Variants in HJURP observed in about 807,000 individuals in gnomAD.
The protein encoded by HJURP is 14-3-3-associated AKT substrate.
HJURP carries 49 observed loss-of-function variants against 72.0 expected under a neutral mutation model. That is an observed-to-expected ratio of 0.68 (90% CI 0.54 to 0.86). The LOEUF (loss-of-function observed/expected upper bound fraction) is 0.86, where lower values mean the gene tolerates loss of function less well. Among genes scored for constraint, HJURP ranks in the 40% least tolerant of loss-of-function variants. The probability of loss-of-function intolerance (pLI) is 0.00; values close to 1 mark genes in which losing one functional copy is unlikely to be tolerated. For missense variants in HJURP, 908 were observed against 936.3 expected, an observed-to-expected ratio of 0.97 and a Z score of 0.39; for synonymous variants, 357 against 347.1, an observed-to-expected ratio of 1.03 and a Z score of -0.32.
intron 8 of HJURP, among the ~76,000 whole-genome samples, 180 bp from the exon 9 acceptor site, chr2:233,837,832 A>AC (rs1224081539): frequency 6.6e-6 from 1 of 152,032 alleles, no homozygotes; most frequent in African/African-American, 2.4e-5. Context: ...TATAATGGCA[A>AC]CCCCCCGACC....
At chr2:233,853,334 C>CTG (rs764135590) in intron 2 of HJURP, among the ~76,000 whole-genome samples, 4 of 152,218 alleles carry the variant, frequency 2.6e-5, no homozygotes, top group Non-Finnish European at 5.9e-5. Context: ...TTTACATTAA[C>CTG]TATTAAACGG....
intron 2 of HJURP, among the ~76,000 whole-genome samples, chr2:233,853,023 T>A (rs1559500209): frequency 6.6e-6 from 1 of 152,246 alleles, no homozygotes; most frequent in Non-Finnish European, 1.5e-5. Flanking sequence ...CTACATGTTA[T>A]ACAGAGACCA....
Position 233,837,052 on chromosome 2 carries a change from C to G in HJURP, c.*525G>C, listed in dbSNP as rs1047537876. On this transcript the variant is annotated 3_prime_UTR_variant, in exon 9 of 9. Transcript: ENST00000411486. ...CCTATAATCCCAGCACTTTGGGAGG[C>G]CGAGGCAGATGGATCACGAGGCCAG... is the stretch of plus-strand genomic sequence containing the variant. 1.3e-5 allele frequency: 2 copies of G among 155,084 alleles called. No individual in the cohort carries two copies. The highest frequency in any genetic ancestry group is 4.8e-5 in the African/African-American group (2 of 41,478). 9.6% of individuals were successfully genotyped at this position (155,084 alleles called of 1,614,324 possible).
chr2:233,839,063 T>C (rs909967180), intron 8 of HJURP, among the ~76,000 whole-genome samples: 2 of 152,242 alleles, frequency 1.3e-5, no homozygotes, highest in African/African-American at 2.4e-5. Flanking sequence ...AACACTTACG[T>C]ATGTCCATCC....
chr2:233,837,740 T>A, intron 8 of HJURP, 88 bp from the exon 9 acceptor site: 1 of 797,340 alleles, frequency 1.3e-6, no homozygotes, highest in Non-Finnish European at 2.1e-6. Context: ...TGTTTTCTAC[T>A]TATTCCATTG....
At position 233,852,597 on chromosome 2, in the gene HJURP, G is replaced by T; in HGVS notation, c.208C>A (p.Leu70Ile). The change falls in exon 3 of 9, where the codon CTA (leucine) becomes ATA (isoleucine). Residue 70 changes from leucine to isoleucine, a missense_variant. By Grantham distance (5) the Leu-to-Ile change is conservative. This residue lies in a region of HJURP where 299 missense variants were observed against 286.7 expected (regional missense o/e 1.04). Transcript: ENST00000411486. The stretch of plus-strand genomic sequence containing the variant: ...TCTCCTTCGTTTCTTTCCTTTATTA[G>T]TCTTCCACCCCAAATTCTCAATCCT... ...PQGLRIWGGR[L>I]IKERNEGEIQ... is the part of the protein sequence containing the mutation. 2 of 1,605,108 alleles carry T rather than the reference G, an allele frequency of 1.2e-6. No homozygotes were observed. The highest frequency in any genetic ancestry group is 2.2e-5 in the South Asian group (2 of 90,928).
Position 233,846,126 on chromosome 2 carries a change from G to A in HJURP, c.403-306C>T. The A allele has an allele frequency of 4.2e-6, 1 of 236,272 alleles. No individual in the cohort carries two copies. The highest frequency in any genetic ancestry group is 8.2e-6 in the Non-Finnish European group (1 of 121,476). 14.6% of individuals were successfully genotyped at this position (236,272 alleles called of 1,614,324 possible). On this transcript the variant is annotated intron_variant, in intron 5 of 8. Transcript: ENST00000411486. The surrounding 1 kb of genome is among the most constrained non-coding windows in gnomAD (Gnocchi z 4.3). ...AGGTGAGTTCAGGACTCAACTACTG[G>A]TAATAACTTCAAACTGGTAAGTTTA...
chr2:233,849,518 G>A (rs987947510), intron 4 of HJURP, among the ~76,000 whole-genome samples: 1 of 152,068 alleles, frequency 6.6e-6, no homozygotes, highest in East Asian at 1.9e-4. Flanking sequence ...TCACATGGAG[G>A]GGCATGTTTA....
At chr2:233,838,488 C>T (rs1705136543) in intron 8 of HJURP, among the ~76,000 whole-genome samples, 1 of 152,092 alleles carries the variant, frequency 6.6e-6, no homozygotes, top group African/African-American at 2.4e-5. Context: ...GGTCTGCAGG[C>T]GACTGGCACG....
chr2:233,843,608 C>T (rs1231659108), intron 7 of HJURP, among the ~76,000 whole-genome samples: 2 of 152,056 alleles, frequency 1.3e-5, no homozygotes, highest in African/African-American at 4.8e-5. Flanking sequence ...GAGAAAATGC[C>T]AAGGAGCCGC....
rs1352310588 is a variant in HJURP, at chr2:233,840,885, T to C, written c.1895A>G (p.His632Arg). The C allele has an allele frequency of 6.2e-7, 1 of 1,613,976 alleles. No homozygotes were observed. The highest frequency in any genetic ancestry group is 8.5e-7 in the Non-Finnish European group (1 of 1,180,018). ...GFLGKLNPDP[H>R]FQGFQKLPSS... is the part of the protein sequence containing the mutation. The stretch of plus-strand genomic sequence containing the variant: ...TGGCAACTTCTGGAAACCCTGGAAG[T>C]GAGGGTCTGGATTTAATTTTCCTAA... The change falls in exon 8 of 9, where the codon CAC becomes CGC. Residue 632 changes from histidine to arginine, a missense_variant. This residue lies in a region of HJURP where 598 missense variants were observed against 619.5 expected (regional missense o/e 0.97). Transcript: ENST00000411486.
At position 233,840,692 on chromosome 2, in the gene HJURP, A is replaced by C; in HGVS notation, c.2088T>G (p.Asn696Lys). ...SEPQGSGRQG[N>K]SLGASDGVDN... is the part of the protein sequence containing the mutation. The stretch of plus-strand genomic sequence containing the variant: ...CCACCCCATCTGAGGCACCCAGGGA[A>C]TTGCCCTGGCGTCCGGAGCCCTGGG... The change falls in exon 8 of 9, where the codon AAT (asparagine) becomes AAG (lysine). Residue 696 changes from asparagine to lysine, a missense_variant. Transcript: ENST00000411486. 6.2e-7 allele frequency: 1 copy of C among 1,613,992 alleles called. No homozygotes were observed. Among genetic ancestry groups the C allele is most frequent in the South Asian group, 1.1e-5 (1 of 91,076 alleles).
rs1705241995 is a variant in HJURP at position 233,841,883 on chromosome 2, G to A, written c.897C>T (p.His299=). Residue 299 remains histidine, a synonymous_variant, in exon 8 of 9, where the codon CAC becomes CAT. Coordinates refer to ENST00000411486, the MANE Select transcript of HJURP (RefSeq NM_018410.5). ...IMQNWNSRRR[H]RYKSRMNKTY... ...TTTTGTTCATCCTGCTCTTATATCT[G>A]TGCCTCCTCCTGGAGTTCCAGTTTT... is the stretch of plus-strand genomic sequence containing the variant. 1.9e-6 allele frequency: 3 copies of A among 1,614,166 alleles called. No homozygotes were observed. The highest frequency in any genetic ancestry group is 1.7e-6 in the Non-Finnish European group (2 of 1,180,030).
intron 8 of HJURP, among the ~76,000 whole-genome samples, chr2:233,838,559 T>C (rs1462439349): frequency 6.6e-6 from 1 of 151,880 alleles, no homozygotes; most frequent in Non-Finnish European, 1.5e-5. Flanking sequence ...GGCAGGATGA[T>C]GGTAAAAGGA....
intron 8 of HJURP, among the ~76,000 whole-genome samples, chr2:233,839,922 CTG>C (rs1173765377): frequency 1.3e-5 from 2 of 152,238 alleles, no homozygotes; most frequent in Non-Finnish European, 2.9e-5. Flanking sequence ...CAGATCCTGA[CTG>C]TGGACACACA....
Position 233,846,788 on chromosome 2 carries a change from C to T in HJURP, c.402+609G>A, listed in dbSNP as rs942357160. ...TTCTGGCAGGCAACAGAGTGTGACA[C>T]GGGGGCCAGGAAAGATGCTGGAGCT... On this transcript the variant is annotated intron_variant, in intron 5 of 8. Coordinates refer to ENST00000411486, the MANE Select transcript of HJURP (RefSeq NM_018410.5). The surrounding 1 kb of genome is among the most constrained non-coding windows in gnomAD (Gnocchi z 4.3). Among the ~76,000 whole-genome samples, 4 of 152,156 alleles carry T rather than the reference C, an allele frequency of 2.6e-5. No individual in the cohort carries two copies. The highest frequency in any genetic ancestry group is 1.9e-4 in the East Asian group (1 of 5,188).
At chr2:233,848,672 C>T (rs570012539) in intron 4 of HJURP, among the ~76,000 whole-genome samples, 7 of 152,152 alleles carry the variant, frequency 4.6e-5, no homozygotes, top group Non-Finnish European at 7.4e-5. Flanking sequence ...GCCTGTCTGT[C>T]GGGCTGAGTC....
intron 7 of HJURP, among the ~76,000 whole-genome samples, chr2:233,843,774 G>A (rs1559497187): frequency 6.6e-6 from 1 of 152,202 alleles, no homozygotes; most frequent in African/African-American, 2.4e-5. Flanking sequence ...TAAGCGTACT[G>A]TAGTCATAAA....
In HJURP at chr2:233,843,862, C is replaced by G. The variant is rs570934831; in HGVS notation, c.574+343G>C. Among the ~76,000 whole-genome samples, 624 of 152,320 alleles carry G rather than the reference C, an allele frequency of 4.1e-3. 4 individuals carry two copies. Among genetic ancestry groups the G allele is most frequent in the Middle Eastern group, 0.024 (7 of 294 alleles). On this transcript the variant is annotated intron_variant, in intron 7 of 8. Coordinates refer to ENST00000411486, the MANE Select transcript of HJURP (RefSeq NM_018410.5). Reference sequence around the variant, plus strand: ...ATACACAAATGCAAATAAATACACACTGTGTGTGCACGTGTGTGGCAGGGG... The same window carrying G: ...ATACACAAATGCAAATAAATACACAGTGTGTGTGCACGTGTGTGGCAGGGG...
Sources: allele counts gnomAD v4.1 joint callset (sites outside exome capture counted in the v4.1 genomes callset), GRCh38; gene constraint gnomAD v4.1.1; regional missense constraint gnomAD v4.1.1; non-coding constraint Gnocchi (gnomAD v3.1); transcripts MANE v1.5; gene names NCBI Gene and HGNC (gene_info 2026-07-23, HGNC 2026-07-21).